Variants in TTC7A observed in about 807,000 individuals in gnomAD.
TTC7A encodes the protein tetratricopeptide repeat protein 7A.
TTC7A carries 110 observed loss-of-function variants against 103.7 expected under a neutral mutation model. The observed-to-expected ratio is 1.06, with a 90% CI of 0.91 to 1.24. The LOEUF is 1.24. TTC7A is among the 50% of genes most tolerant of loss of function. TTC7A has a pLI of 0.00. For synonymous variants in TTC7A, 521 were observed against 467.9 expected (o/e 1.11, Z -1.47); for missense variants, 1,340 against 1,116.3 (o/e 1.20, Z -2.86).
rs1432944956 is a variant in TTC7A at position 46,994,461 on chromosome 2, G to T, written c.948G>T (p.Glu316Asp). ...TGCCTGAGTTCATGGGCAAGGAGGA[G>T]AGTTCTTTCGCCACTCAGGCCCTGC... ...HPLPEFMGKE[E>D]SSFATQALRK... is the part of the protein sequence containing the mutation. Residue 316 changes from glutamate to aspartate, a missense_variant, in exon 7 of 20, where the codon GAG becomes GAT. Transcript: ENST00000319190. 1 of 1,614,074 alleles carries T rather than the reference G, an allele frequency of 6.2e-7. No individual in the cohort carries two copies. Among genetic ancestry groups the T allele is most frequent in the Non-Finnish European group, 8.5e-7 (1 of 1,179,988 alleles).
Position 46,956,892 on chromosome 2 carries a change from G to A in TTC7A, c.402G>A (p.Glu134=), listed in dbSNP as rs1671904051. 6.2e-7 allele frequency: 1 copy of A among 1,614,088 alleles called. No individual in the cohort carries two copies. The highest frequency in any genetic ancestry group is 8.5e-7 in the Non-Finnish European group (1 of 1,180,038). ...TCCTGGGCAAACTGCATTACGTGGA[G>A]GGCTCATACCGAGATGCCATCAGCA... ...MLILGKLHYV[E]GSYRDAISMY... The change falls in exon 3 of 20, where the codon GAG becomes GAA. Residue 134 remains glutamate (E), a synonymous_variant. Coordinates refer to ENST00000319190, the MANE Select transcript of TTC7A (RefSeq NM_020458.4).
chr2:46,998,198 C>A (rs943712292), intron 8 of TTC7A, among the ~76,000 whole-genome samples: 1 of 152,120 alleles, frequency 6.6e-6, no homozygotes, highest in Non-Finnish European at 1.5e-5. Context: ...GTTTGTTTCC[C>A]CTTACGCACA....
chr2:47,016,139 CTG>C (rs1156836757), intron 11 of TTC7A, among the ~76,000 whole-genome samples: 3 of 152,290 alleles, frequency 2.0e-5, no homozygotes, highest in African/African-American at 7.2e-5. Context: ...AGAAGCCAGT[CTG>C]TGTAGGGACC....
At chr2:47,068,149 C>T (rs919885) in intron 19 of TTC7A, 77,832 of 152,030 alleles carry the variant, frequency 0.51, 21,949 homozygotes, top group Non-Finnish European at 0.64. Flanking sequence ...CCTGACCTAC[C>T]GCCATGCCGG....
chr2:46,919,400 A>G (rs1217182982), intron 2 of TTC7A, among the ~76,000 whole-genome samples: 1 of 152,056 alleles, frequency 6.6e-6, no homozygotes, highest in Non-Finnish European at 1.5e-5. Flanking sequence ...GGGTGTGGTG[A>G]CGCATGCTTG....
chr2:46,978,767 GCT>G, intron 4 of TTC7A, 23 bp from the exon 5 acceptor site: 2 of 1,594,742 alleles, frequency 1.3e-6, no homozygotes, highest in East Asian at 2.2e-5. Flanking sequence ...TGAGACAATG[GCT>G]CTCTCTCTGT....
chr2:46,932,625 G>A (rs935487492), intron 2 of TTC7A, among the ~76,000 whole-genome samples: 18 of 152,108 alleles, frequency 1.2e-4, no homozygotes, highest in Non-Finnish European at 2.4e-4. Flanking sequence ...TGGAGGCCAG[G>A]TGCAGTGGCT....
intron 10 of TTC7A, 115 bp from the exon 11 acceptor site, chr2:47,011,216 C>A: frequency 1.1e-6 from 1 of 943,012 alleles, no homozygotes; most frequent in Non-Finnish European, 1.6e-6. Flanking sequence ...CTTCCTGGCT[C>A]CTGAGAGCAA....
intron 15 of TTC7A, among the ~76,000 whole-genome samples, chr2:47,039,959 C>G (rs1285815585): frequency 1.3e-5 from 2 of 152,220 alleles, no homozygotes; most frequent in African/African-American, 4.8e-5. Context: ...GAGATGTCCC[C>G]TGGTTCAGCA....
chr2:47,049,036 G>A (rs1223897239), intron 16 of TTC7A, among the ~76,000 whole-genome samples: 3 of 152,158 alleles, frequency 2.0e-5, no homozygotes, highest in East Asian at 1.9e-4. Context: ...TCCCAGACCC[G>A]AGTTGAAGCC....
intron 11 of TTC7A, among the ~76,000 whole-genome samples, chr2:47,019,914 G>C (rs570626656): frequency 1.3e-5 from 2 of 152,298 alleles, no homozygotes; most frequent in East Asian, 3.9e-4. Flanking sequence ...GAAGAAAAGA[G>C]CGTGCTATTT....
intron 2 of TTC7A, 87 bp downstream of exon 2, chr2:46,950,613 A>G (rs1175011222): frequency 1.4e-6 from 2 of 1,415,930 alleles, no homozygotes; most frequent in East Asian, 2.4e-5. Flanking sequence ...TCATTTGGTC[A>G]CCTGAGCAAC....
At chr2:46,974,574 G>T (rs950904429) in intron 3 of TTC7A, 20 of 441,250 alleles carry the variant, frequency 4.5e-5, no homozygotes, top group Non-Finnish European at 8.6e-5. Flanking sequence ...GGAAGGTAAA[G>T]GTTATTGCAT....
chr2:46,989,130 A>G (rs543581888), intron 5 of TTC7A, among the ~76,000 whole-genome samples: 85 of 152,310 alleles, frequency 5.6e-4, no homozygotes, highest in African/African-American at 1.8e-3. Context: ...AGCCGCTTGC[A>G]CATCCCACCC....
chr2:46,992,585 T>C (rs550357685), intron 5 of TTC7A, among the ~76,000 whole-genome samples: 1 of 152,344 alleles, frequency 6.6e-6, no homozygotes, highest in Admixed American at 6.5e-5. Flanking sequence ...GAAGCTACGC[T>C]GAGGGCTTAT....
At chr2:47,003,999 G>A (rs973250848) in intron 8 of TTC7A, among the ~76,000 whole-genome samples, 1 of 152,246 alleles carries the variant, frequency 6.6e-6, no homozygotes. Flanking sequence ...GTTGGTGGCT[G>A]TGTGGGTGGA....
chr2:46,996,651 G>C (rs1346445016), intron 8 of TTC7A, among the ~76,000 whole-genome samples: 1 of 152,174 alleles, frequency 6.6e-6, no homozygotes, highest in Non-Finnish European at 1.5e-5. Context: ...GTGCCAGCTG[G>C]CCAGGGTGTT....
At chr2:46,981,463 C>T (rs1048796489) in intron 5 of TTC7A, among the ~76,000 whole-genome samples, 3 of 150,994 alleles carry the variant, frequency 2.0e-5, no homozygotes, top group African/African-American at 7.3e-5. Context: ...TGGGGGCAGG[C>T]GAAATGGGAG....
chr2:46,962,055 A>G (rs1672429530), intron 3 of TTC7A, among the ~76,000 whole-genome samples: 1 of 152,142 alleles, frequency 6.6e-6, no homozygotes, highest in South Asian at 2.1e-4. Flanking sequence ...CTGAATTCCA[A>G]GCCTCTTGAG....
Sources: allele counts gnomAD v4.1 joint callset (sites outside exome capture counted in the v4.1 genomes callset), GRCh38; gene constraint gnomAD v4.1.1; transcripts MANE v1.5; gene names NCBI Gene and HGNC (gene_info 2026-07-23, HGNC 2026-07-21).